Variants in ENAH observed in about 807,000 individuals in gnomAD.
ENAH encodes the protein ENAH actin regulator, also known as protein enabled homolog.
A neutral mutation model predicts 78.7 loss-of-function variants in ENAH; 23 were observed. That is an observed-to-expected ratio of 0.29 (90% CI 0.21 to 0.41). ENAH has a LOEUF of 0.41. ENAH is among the 10% of genes least tolerant of loss of function. ENAH has a pLI of 1.00. For missense variants in ENAH, 544 were observed against 691.0 expected (o/e 0.79, Z 2.39); for synonymous variants, 226 against 241.0 (o/e 0.94, Z 0.58).
At chr1:225,519,596 G>A (rs771903747) in intron 4 of ENAH, 31 bp from the exon 5 acceptor site, 3 of 1,573,994 alleles carry the variant, frequency 1.9e-6, no homozygotes, top group East Asian at 4.5e-5. Context: ...GTAAAAACAT[G>A]CATCTATGGC....
Position 225,587,333 on chromosome 1 carries a change from A to T in ENAH, c.6-19919T>A, listed in dbSNP as rs2096852450. On this transcript the variant is annotated intron_variant, in intron 1 of 13. Coordinates refer to ENST00000366843, the MANE Select transcript of ENAH (RefSeq NM_018212.6). ...TAGTAAGTGAATTTAGCAAGGTCAC[A>T]GGATTCAAGTTTAATTTAAAAAATC... Among the ~76,000 whole-genome samples, 5 of 152,360 alleles carry T rather than the reference A, an allele frequency of 3.3e-5. No homozygotes were observed. In the South Asian group the frequency reaches 1.0e-3, roughly 32 times the overall value.
intron 1 of ENAH, among the ~76,000 whole-genome samples, chr1:225,597,597 G>A (rs1163807392): frequency 6.7e-6 from 1 of 148,788 alleles, no homozygotes; most frequent in Non-Finnish European, 1.5e-5. Flanking sequence ...GGTACAGGCT[G>A]CAGTTAGCCA....
chr1:225,650,306 T>G (rs546384901), intron 1 of ENAH, among the ~76,000 whole-genome samples: 2 of 152,374 alleles, frequency 1.3e-5, no homozygotes, highest in African/African-American at 4.8e-5. Flanking sequence ...GTTCTATATT[T>G]ACGTTACTGG....
chr1:225,536,492 T>G (rs1281437656), intron 3 of ENAH, among the ~76,000 whole-genome samples: 2 of 152,072 alleles, frequency 1.3e-5, no homozygotes, highest in Non-Finnish European at 2.9e-5. Flanking sequence ...AAGATTTTCT[T>G]TTTCCGTTGG....
intron 2 of ENAH, among the ~76,000 whole-genome samples, chr1:225,558,201 C>T (rs1440566899): frequency 6.6e-6 from 1 of 152,138 alleles, no homozygotes; most frequent in Admixed American, 6.5e-5. Flanking sequence ...GGTTTTGATA[C>T]CAAAGTAATG....
At chr1:225,508,291 T>G (rs1016295360) in intron 10 of ENAH, 12 of 204,834 alleles carry the variant, frequency 5.9e-5, no homozygotes, top group Non-Finnish European at 1.2e-4. Context: ...AACCTTAGGA[T>G]AGTAAGGAGT....
chr1:225,597,655 CAAAA>C (rs565567062), intron 1 of ENAH, among the ~76,000 whole-genome samples: 4 of 61,176 alleles, frequency 6.5e-5, no homozygotes, highest in Non-Finnish European at 3.8e-5. Flanking sequence ...AAGAGCATCT[CAAAA>C]AAAAAAAAAA....
At chr1:225,532,439 T>C (rs1330582744) in intron 3 of ENAH, among the ~76,000 whole-genome samples, 1 of 152,144 alleles carries the variant, frequency 6.6e-6, no homozygotes, top group Non-Finnish European at 1.5e-5. Context: ...TGAATGTGAG[T>C]AGGTTAGACC....
upstream of ENAH, chr1:225,653,139 A>C (rs1156307803): frequency 6.6e-6 from 1 of 150,880 alleles, no homozygotes; most frequent in Non-Finnish European, 1.5e-5. This position sits in a 1 kb window ranked among gnomAD's most constrained non-coding sequence, Gnocchi z 4.3. Flanking sequence ...CGCCGCGAGG[A>C]ACCCGGGAGG....
At chr1:225,628,708 C>T (rs1488530370) in intron 1 of ENAH, among the ~76,000 whole-genome samples, 2 of 151,544 alleles carry the variant, frequency 1.3e-5, no homozygotes, top group Non-Finnish European at 2.9e-5. Context: ...GTCAGGAGTT[C>T]GAGACCAGCC....
intron 1 of ENAH, among the ~76,000 whole-genome samples, chr1:225,604,823 A>G (rs184987576): frequency 1.3e-4 from 20 of 152,184 alleles, no homozygotes; most frequent in Non-Finnish European, 2.2e-4. Flanking sequence ...AGGACAATTG[A>G]TAAAAGATTT....
chr1:225,542,144 A>C (rs528707390), intron 3 of ENAH, among the ~76,000 whole-genome samples: 25 of 152,300 alleles, frequency 1.6e-4, no homozygotes, highest in Admixed American at 5.2e-4. Flanking sequence ...GGCCTCCTGA[A>C]CTGCTGGGAT....
At chr1:225,633,154 T>C (rs753105322) in intron 1 of ENAH, among the ~76,000 whole-genome samples, 1 of 151,776 alleles carries the variant, frequency 6.6e-6, no homozygotes, top group Non-Finnish European at 1.5e-5. Flanking sequence ...ACCATTCTCC[T>C]GCCTCAGCCT....
At chr1:225,588,801 C>CAAAAAAAAAAAAAAAAAAA (rs55962047) in intron 1 of ENAH, among the ~76,000 whole-genome samples, 1 of 78,430 alleles carries the variant, frequency 1.3e-5, no homozygotes. Context: ...AAGTCTGTGT[C>CAAAAAAAAAAAAAAAAAAA]AAAAAAAAAA....
chr1:225,549,050 A>G (rs1044004906), intron 3 of ENAH, among the ~76,000 whole-genome samples: 4 of 152,072 alleles, frequency 2.6e-5, no homozygotes, highest in East Asian at 1.9e-4. Context: ...AGGTTTCACC[A>G]TATCAGCCAG....
intron 1 of ENAH, among the ~76,000 whole-genome samples, chr1:225,627,933 C>T (rs1075364): frequency 0.64 from 94,291 of 147,100 alleles, 29,583 homozygotes; most frequent in African/African-American, 0.73. Flanking sequence ...TTTTGTCCCC[C>T]ACCAACTTAT....
chr1:225,587,294 A>G (rs1470033700), intron 1 of ENAH, among the ~76,000 whole-genome samples: 1 of 152,210 alleles, frequency 6.6e-6, no homozygotes, highest in East Asian at 1.9e-4. Flanking sequence ...TAAGGAATCT[A>G]CAAAGCAGCA....
In ENAH at chr1:225,494,074, A is replaced by AAAAAAC. The variant is rs1553408708; in HGVS notation, c.*3700_*3701insGTTTTT. ...TGAGACAGGCTAGAGCAAAAAAAAAAAAAAAAAAACAGCTGAAAATTTTAC... is the reference window on the plus strand; with the variant it reads ...TGAGACAGGCTAGAGCAAAAAAAAAAAAAAACAAAAAAAAACAGCTGAAAATTTTAC... On this transcript the variant is annotated 3_prime_UTR_variant, in exon 14 of 14. Coordinates refer to ENST00000366843, the MANE Select transcript of ENAH (RefSeq NM_018212.6). The AAAAAAC allele has an allele frequency of 6.6e-6, 1 of 150,836 alleles. No homozygotes were observed. The highest frequency in any genetic ancestry group is 1.5e-5 in the Non-Finnish European group (1 of 67,608). The allele number at this position is 150,836 out of a possible 1,614,324, so 9.3% of individuals were successfully genotyped here.
At chr1:225,641,965 G>C (rs1258094647) in intron 1 of ENAH, among the ~76,000 whole-genome samples, 1 of 152,034 alleles carries the variant, frequency 6.6e-6, no homozygotes, top group Non-Finnish European at 1.5e-5. Context: ...AGGTTGCAGT[G>C]AGCCAAGACT....
Sources: gnomAD v4.1 joint callset for allele counts (sites outside exome capture counted in the v4.1 genomes callset) on GRCh38, gnomAD v4.1.1 for gene constraint, Gnocchi (gnomAD v3.1) non-coding constraint, MANE v1.5 for transcripts, NCBI Gene and HGNC (gene_info 2026-07-23, HGNC 2026-07-21) for gene names.